STARD13: variants seen among roughly 807,000 people sequenced by gnomAD.
STARD13 encodes stAR-related lipid transfer protein 13.
A neutral mutation model predicts 106.4 loss-of-function variants in STARD13; 62 were observed. The observed-to-expected ratio is 0.58, with a 90% CI of 0.48 to 0.72. The LOEUF is 0.72. Among genes scored for constraint, STARD13 ranks in the 30% least tolerant of loss-of-function variants. The pLI, the probability that STARD13 is intolerant of heterozygous loss-of-function variation, is 0.00. For missense variants in STARD13, 1,387 were observed against 1,424.0 expected, an observed-to-expected ratio of 0.97 and a Z score of 0.42; for synonymous variants, 565 against 553.0, an observed-to-expected ratio of 1.02 and a Z score of -0.31.
the STARD13 span, among the ~76,000 whole-genome samples, chr13:33,487,379 C>T: frequency 3.3e-5 from 5 of 152,070 alleles, no homozygotes; most frequent in Non-Finnish European, 7.4e-5. Context: ...CACACATAGA[C>T]ACGGAAAAGA....
the STARD13 span, among the ~76,000 whole-genome samples, chr13:33,565,008 A>G: frequency 2.0e-5 from 3 of 146,608 alleles, no homozygotes; most frequent in Non-Finnish European, 4.5e-5. Flanking sequence ...AAAAAAAGAA[A>G]AAAAGAAAAA....
rs540597917 is a variant in STARD13 at position 33,179,990 on chromosome 13, T to G, written c.170-12368A>C. Among the ~76,000 whole-genome samples, 7 of 152,310 alleles carry G rather than the reference T, an allele frequency of 4.6e-5. No homozygotes were observed. The East Asian group carries it at 1.4e-3, about 29-fold the overall frequency. ...TCCCTCTGTGCCTGCAGGAGGTCCT[T>G]GGGGTCACATGGCACCCATCAACCT... is the stretch of plus-strand genomic sequence containing the variant. On this transcript the variant is annotated intron_variant, in intron 1 of 13. Coordinates refer to ENST00000336934, the MANE Select transcript of STARD13 (RefSeq NM_178006.4).
At chr13:33,616,018 G>A in the STARD13 span, among the ~76,000 whole-genome samples, 1 of 152,074 alleles carries the variant, frequency 6.6e-6, no homozygotes, top group Non-Finnish European at 1.5e-5. Context: ...TATTTATTTT[G>A]TGTTGTATTA....
intron 1 of STARD13, among the ~76,000 whole-genome samples, chr13:33,196,001 A>G (rs1237154712): frequency 6.6e-6 from 1 of 152,228 alleles, no homozygotes; most frequent in Non-Finnish European, 1.5e-5. Context: ...AGAGGCCACA[A>G]GAACAATGCT....
the STARD13 span, among the ~76,000 whole-genome samples, chr13:33,672,848 C>G: frequency 1.1e-4 from 16 of 152,198 alleles, no homozygotes; most frequent in African/African-American, 3.9e-4. Context: ...GCTAGTAACA[C>G]AAGAACAAAA....
the STARD13 span, among the ~76,000 whole-genome samples, chr13:33,569,704 G>T: frequency 4.5e-4 from 66 of 147,850 alleles, 7 homozygotes; most frequent in African/African-American, 1.6e-3. Context: ...AACTTCAATC[G>T]TAATTGATTG....
chr13:33,656,752 C>T, the STARD13 span: 3 of 152,164 alleles, frequency 2.0e-5, no homozygotes, highest in South Asian at 2.1e-4. Flanking sequence ...ACTTCTAATG[C>T]GAAGAGAATA....
intron 1 of STARD13, among the ~76,000 whole-genome samples, chr13:33,247,333 A>G (rs1266683872): frequency 5.3e-5 from 8 of 152,098 alleles, no homozygotes; most frequent in South Asian, 2.1e-4. Flanking sequence ...ATGGAGGGAC[A>G]CTCTGAGTGG....
the STARD13 span, among the ~76,000 whole-genome samples, chr13:33,585,168 C>G: frequency 6.6e-6 from 1 of 152,288 alleles, no homozygotes; most frequent in East Asian, 1.9e-4. Flanking sequence ...AACCCTTGCG[C>G]ACTGCTTGTG....
the STARD13 span, among the ~76,000 whole-genome samples, chr13:33,437,332 G>A: frequency 6.6e-6 from 1 of 152,166 alleles, no homozygotes; most frequent in Non-Finnish European, 1.5e-5. Flanking sequence ...AGAGTTGTGA[G>A]CCCTTAAAAG....
chr13:33,171,446 AT>A (rs1258552976), intron 1 of STARD13, among the ~76,000 whole-genome samples: 8 of 152,204 alleles, frequency 5.3e-5, no homozygotes, highest in Non-Finnish European at 1.0e-4. Context: ...TGTAATAATT[AT>A]TTCATTTTGC....
chr13:33,548,456 A>G, the STARD13 span, among the ~76,000 whole-genome samples: 1 of 152,172 alleles, frequency 6.6e-6, no homozygotes, highest in Non-Finnish European at 1.5e-5. Context: ...GACTGAAGCC[A>G]TTTCTGTGGA....
At chr13:33,134,962 C>T (rs1878853088) in intron 4 of STARD13, among the ~76,000 whole-genome samples, 2 of 152,128 alleles carry the variant, frequency 1.3e-5, no homozygotes, top group Admixed American at 1.3e-4. Flanking sequence ...ACAAAGACAC[C>T]AACCTTAGGA....
the STARD13 span, among the ~76,000 whole-genome samples, chr13:33,496,434 T>A: frequency 1.3e-5 from 2 of 151,834 alleles, no homozygotes; most frequent in African/African-American, 4.8e-5. Flanking sequence ...AATTGGTCAG[T>A]TTCCATAATA....
chr13:33,133,924 G>T (rs966652554), intron 4 of STARD13, among the ~76,000 whole-genome samples: 1 of 152,116 alleles, frequency 6.6e-6, no homozygotes. Context: ...TTGTTTAAAA[G>T]AGATTATCAG....
chr13:33,496,710 T>G, the STARD13 span, among the ~76,000 whole-genome samples: 1 of 152,140 alleles, frequency 6.6e-6, no homozygotes, highest in Non-Finnish European at 1.5e-5. Context: ...AGAAGAGTAC[T>G]TTTAAATTTC....
chr13:33,265,114 C>G (rs1340833427), intron 1 of STARD13, among the ~76,000 whole-genome samples: 1 of 152,160 alleles, frequency 6.6e-6, no homozygotes, highest in Non-Finnish European at 1.5e-5. Context: ...AACTCTGTTT[C>G]CTGAAGCTTC....
At chr13:33,596,610 C>T in the STARD13 span, among the ~76,000 whole-genome samples, 1 of 152,154 alleles carries the variant, frequency 6.6e-6, no homozygotes, top group Non-Finnish European at 1.5e-5. Flanking sequence ...TTGTTAACTA[C>T]AGTTACTACA....
intron 1 of STARD13, among the ~76,000 whole-genome samples, chr13:33,237,106 C>G (rs1220888486): frequency 6.6e-6 from 1 of 152,160 alleles, no homozygotes; most frequent in East Asian, 1.9e-4. Flanking sequence ...AACCAGCCCT[C>G]TACAATCTTG....
Sources: allele counts gnomAD v4.1 joint callset (sites outside exome capture counted in the v4.1 genomes callset), GRCh38; gene constraint gnomAD v4.1.1; transcripts MANE v1.5; gene names NCBI Gene and HGNC (gene_info 2026-07-23, HGNC 2026-07-21).